The following LAMA4 variants were observed in gnomAD, a reference collection of about 807,000 sequenced individuals.
LAMA4 encodes the protein laminin subunit alpha-4.
In LAMA4, 127 loss-of-function variants were observed where a neutral mutation model predicts 207.1. The ratio of observed to expected loss-of-function variants is 0.61; its 90% confidence interval spans 0.53 to 0.71. LAMA4 has a LOEUF of 0.71. Ranked by LOEUF, LAMA4 falls within the 30% of genes least tolerant of loss-of-function variation. The pLI, the probability that LAMA4 is intolerant of heterozygous loss-of-function variation, is 0.00. For synonymous variants in LAMA4, 761 were observed against 816.0 expected (o/e 0.93, Z 1.15); for missense variants, 2,093 against 2,246.5 (o/e 0.93, Z 1.38).
intron 2 of LAMA4, among the ~76,000 whole-genome samples, chr6:112,246,139 C>T (rs1314929028): frequency 6.6e-6 from 1 of 152,170 alleles, no homozygotes; most frequent in Non-Finnish European, 1.5e-5. Flanking sequence ...AACTTTACCA[C>T]ACCAAGAGCC....
intron 4 of LAMA4, among the ~76,000 whole-genome samples, chr6:112,204,508 C>T (rs1191570445): frequency 6.6e-6 from 1 of 151,572 alleles, no homozygotes. Context: ...AGCTCGACGC[C>T]TATAAACCTT....
chr6:112,159,517 C>A (rs991253842), intron 13 of LAMA4: 2 of 153,322 alleles, frequency 1.3e-5, no homozygotes, highest in African/African-American at 4.8e-5. Flanking sequence ...GATGTTCCTG[C>A]AAACCCGTGA....
At chr6:112,124,906 G>A (rs565692394) in intron 31 of LAMA4, among the ~76,000 whole-genome samples, 4 of 152,058 alleles carry the variant, frequency 2.6e-5, no homozygotes, top group South Asian at 2.1e-4. Context: ...ACAGGCATGC[G>A]CCACCATGCC....
chr6:112,242,452 CT>C (rs1452035993), intron 2 of LAMA4, among the ~76,000 whole-genome samples: 2 of 152,160 alleles, frequency 1.3e-5, no homozygotes, highest in Non-Finnish European at 2.9e-5. Flanking sequence ...GCAATTTCCC[CT>C]ACATCCATTC....
chr6:112,147,616 G>A (rs1026105980), intron 18 of LAMA4, among the ~76,000 whole-genome samples: 2 of 152,142 alleles, frequency 1.3e-5, no homozygotes, highest in African/African-American at 4.8e-5. Context: ...AGGTAGACAT[G>A]AAAATATTTC....
intron 31 of LAMA4, among the ~76,000 whole-genome samples, chr6:112,126,277 C>A (rs1268023233): frequency 6.6e-6 from 1 of 152,152 alleles, no homozygotes; most frequent in African/African-American, 2.4e-5. Flanking sequence ...TAATGTTAAT[C>A]TGCTGCCTAT....
chr6:112,113,980 G>T, intron 38 of LAMA4, 96 bp downstream of exon 38: 2 of 1,367,564 alleles, frequency 1.5e-6, no homozygotes, highest in Non-Finnish European at 1.0e-6. Flanking sequence ...TGAGTAACTA[G>T]GTGCATCATA....
At position 112,148,110 on chromosome 6, in the gene LAMA4, G is replaced by A. The variant is rs781903048; in HGVS notation, c.2353+47C>T. On this transcript the variant is annotated intron_variant, in intron 18 of 38. Coordinates refer to ENST00000230538, the MANE Select transcript of LAMA4 (RefSeq NM_001105206.3). Reference sequence around the variant, plus strand: ...TGACAAAAGATGTATAGAGTTTAATGGCCAATTCCTTAATTAGATTCAAAT... The same window carrying A: ...TGACAAAAGATGTATAGAGTTTAATAGCCAATTCCTTAATTAGATTCAAAT... The A allele has an allele frequency of 1.9e-6, 3 of 1,548,660 alleles. No homozygotes were observed. In the South Asian group the frequency reaches 3.3e-5, roughly 17 times the overall value.
In LAMA4 at chr6:112,142,099, T is replaced by C; in HGVS notation, c.2667+20A>G. ...TTTCCTTGTAAATATTATTCCCTCC[T>C]TTCAAACTCATGTGCTTACGTTTTT... On this transcript the variant is annotated intron_variant, in intron 20 of 38. Coordinates refer to ENST00000230538, the MANE Select transcript of LAMA4 (RefSeq NM_001105206.3). 1.2e-6 allele frequency: 2 copies of C among 1,613,756 alleles called. No homozygotes were observed. The highest frequency in any genetic ancestry group is 1.7e-6 in the Non-Finnish European group (2 of 1,179,658).
intron 6 of LAMA4, among the ~76,000 whole-genome samples, chr6:112,190,926 T>TCTTTCTTTCTTTCTTTCTTTC (rs1562714296): frequency 2.1e-5 from 2 of 93,614 alleles, no homozygotes; most frequent in African/African-American, 8.5e-5. Flanking sequence ...TTTCTTTCTT[T>TCTTTCTTTCTTTCTTTCTTTC]CTTTCTTTCT....
At chr6:112,189,354 T>A in intron 6 of LAMA4, 149 bp from the exon 7 acceptor site, 1 of 685,434 alleles carries the variant, frequency 1.5e-6, no homozygotes. Flanking sequence ...GTGTAGAATC[T>A]ACGATACAGA....
rs529745646 is a variant in LAMA4 at position 112,177,638 on chromosome 6, C to T, written c.1189+483G>A. 3.3e-5 allele frequency among the ~76,000 whole-genome samples: 5 copies of T among 152,276 alleles called. No homozygotes were observed. The East Asian group carries it at 7.7e-4, about 24-fold the overall frequency. On this transcript the variant is annotated intron_variant, in intron 10 of 38. Transcript: ENST00000230538. ...AGGACAAAGAAATCTCCCACAGCCC[C>T]GCTCCTTCCTTTTCTTCTGGGTTGG...
At chr6:112,253,830 A>G in intron 2 of LAMA4, 126 bp downstream of exon 2, 1 of 1,614,260 alleles carries the variant, frequency 6.2e-7, no homozygotes, top group South Asian at 1.1e-5. Context: ...GAACTGACCT[A>G]GCCCAGGTGA....
chr6:112,232,343 C>T (rs1307011783), intron 2 of LAMA4, among the ~76,000 whole-genome samples: 3 of 152,176 alleles, frequency 2.0e-5, no homozygotes, highest in Non-Finnish European at 4.4e-5. Flanking sequence ...TAAGCTACTT[C>T]TATTCCTTTT....
chr6:112,184,256 T>C (rs929940031), intron 9 of LAMA4, among the ~76,000 whole-genome samples: 1 of 151,750 alleles, frequency 6.6e-6, no homozygotes, highest in Middle Eastern at 3.4e-3. Context: ...TTGTTTATAA[T>C]GTCAACTACC....
rs2114527101 is a variant in LAMA4 at position 112,109,225 on chromosome 6, T to C, written c.*212A>G. 21 of 600,034 alleles carry C rather than the reference T, an allele frequency of 3.5e-5. No homozygotes were observed. The South Asian group carries it at 4.1e-4, about 12-fold the overall frequency. The allele number at this position is 600,034 out of a possible 1,614,324, so 37.2% of individuals were successfully genotyped here. On this transcript the variant is annotated 3_prime_UTR_variant, in exon 39 of 39. Transcript: ENST00000230538. Reference sequence around the variant, plus strand: ...TCAATACAAGTAAGTTTGCCACTCCTTCAATTGTTGTCCATTGCAGACACT... The same window carrying C: ...TCAATACAAGTAAGTTTGCCACTCCCTCAATTGTTGTCCATTGCAGACACT...
At chr6:112,219,972 C>T (rs1213845164) in intron 2 of LAMA4, among the ~76,000 whole-genome samples, 1 of 152,126 alleles carries the variant, frequency 6.6e-6, no homozygotes, top group African/African-American at 2.4e-5. Flanking sequence ...TTGAACCAAA[C>T]ATTTCTTGTT....
intron 18 of LAMA4, 78 bp downstream of exon 18, chr6:112,148,079 G>A: frequency 7.0e-7 from 1 of 1,421,536 alleles, no homozygotes; most frequent in East Asian, 2.3e-5. Context: ...GAAGAAAACT[G>A]TTTTTTGACA....
intron 2 of LAMA4, among the ~76,000 whole-genome samples, chr6:112,238,176 A>G (rs1786073292): frequency 6.6e-6 from 1 of 152,162 alleles, no homozygotes; most frequent in African/African-American, 2.4e-5. Context: ...TTCCTTCTAT[A>G]TCCTTGAAGA....
Sources: allele counts gnomAD v4.1 joint callset (sites outside exome capture counted in the v4.1 genomes callset), GRCh38; gene constraint gnomAD v4.1.1; transcripts MANE v1.5; gene names NCBI Gene and HGNC (gene_info 2026-07-23, HGNC 2026-07-21).